Variants in FBXL2 observed in about 807,000 individuals in gnomAD.
FBXL2 encodes the protein F-box and leucine rich repeat protein 2.
FBXL2 carries 38 observed loss-of-function variants against 69.2 expected under a neutral mutation model. That is an observed-to-expected ratio of 0.55 (90% CI 0.42 to 0.72). FBXL2 has a LOEUF of 0.72. FBXL2 is among the 30% of genes least tolerant of loss of function. FBXL2 has a pLI of 0.00. For missense variants in FBXL2, 354 were observed against 520.3 expected, an observed-to-expected ratio of 0.68 and a Z score of 3.11; for synonymous variants, 192 against 201.3, an observed-to-expected ratio of 0.95 and a Z score of 0.39.
At chr3:33,381,932 C>G (rs1361238539) in intron 13 of FBXL2, among the ~76,000 whole-genome samples, 1 of 152,206 alleles carries the variant, frequency 6.6e-6, no homozygotes, top group Non-Finnish European at 1.5e-5. Context: ...ATCTTTAAAG[C>G]ATCAAGGTCC....
chr3:33,390,581 G>C (rs1021630982), downstream of FBXL2: 3 of 596,634 alleles, frequency 5.0e-6, no homozygotes, highest in Admixed American at 6.0e-5. Flanking sequence ...TGCGAAGCCT[G>C]GCCCACTATC....
At chr3:33,340,576 TAAAA>T (rs111348589) in intron 2 of FBXL2, among the ~76,000 whole-genome samples, 9 of 110,104 alleles carry the variant, frequency 8.2e-5, no homozygotes, top group Admixed American at 1.9e-4. Flanking sequence ...TTATTTTGAT[TAAAA>T]AAAAAAAAAA....
intron 12 of FBXL2, among the ~76,000 whole-genome samples, chr3:33,400,680 G>A (rs1559672257): frequency 6.6e-6 from 1 of 152,048 alleles, no homozygotes; most frequent in Non-Finnish European, 1.5e-5. Context: ...AATGGGTGAG[G>A]GATAAGAGAG....
chr3:33,319,354 T>TA (rs1300694477), intron 2 of FBXL2, among the ~76,000 whole-genome samples: 1 of 152,154 alleles, frequency 6.6e-6, no homozygotes. Flanking sequence ...TTAAATAAAT[T>TA]AAAAAATAAA....
intron 2 of FBXL2, among the ~76,000 whole-genome samples, chr3:33,301,778 T>C (rs1420036749): frequency 1.3e-5 from 2 of 152,226 alleles, no homozygotes; most frequent in Non-Finnish European, 2.9e-5. Flanking sequence ...GTGGAAGTAC[T>C]TAATTTGTTG....
chr3:33,418,406 C>T, the FBXL2 span, among the ~76,000 whole-genome samples: 4 of 152,144 alleles, frequency 2.6e-5, no homozygotes, highest in African/African-American at 9.6e-5. Flanking sequence ...AGGTGCCCGC[C>T]ACCACGCCCA....
At chr3:33,333,922 G>T (rs928658527) in intron 2 of FBXL2, among the ~76,000 whole-genome samples, 6 of 151,946 alleles carry the variant, frequency 3.9e-5, no homozygotes, top group Admixed American at 2.6e-4. Context: ...TTACTAACAA[G>T]ATTTTTTTTT....
chr3:33,285,580 G>A (rs983341710), intron 1 of FBXL2, among the ~76,000 whole-genome samples: 1 of 152,170 alleles, frequency 6.6e-6, no homozygotes. Flanking sequence ...GAATTTGAAT[G>A]TTGGCCTGCC....
At chr3:33,302,040 C>T (rs759237984) in intron 2 of FBXL2, among the ~76,000 whole-genome samples, 29 of 151,996 alleles carry the variant, frequency 1.9e-4, no homozygotes, top group Non-Finnish European at 3.8e-4. Flanking sequence ...AATAAATGTT[C>T]GCTCTTATTG....
At chr3:33,325,543 A>T (rs1243051330) in intron 2 of FBXL2, among the ~76,000 whole-genome samples, 1 of 152,120 alleles carries the variant, frequency 6.6e-6, no homozygotes, top group Admixed American at 6.6e-5. Context: ...GCATCTTTTG[A>T]GATAATCATG....
chr3:33,377,453 G>GTAGAACC, intron 11 of FBXL2, 120 bp downstream of exon 11: 1 of 932,596 alleles, frequency 1.1e-6, no homozygotes, highest in Admixed American at 1.9e-5. Context: ...ACAAAGTAGA[G>GTAGAACC]TAGAACCCTT....
Position 33,279,748 on chromosome 3 carries a change from C to T in FBXL2, c.3+2233C>T, listed in dbSNP as rs576556623. ...AATGACAACTAATATTTATTGTGTA[C>T]ATATGTACATAGTTATTACTATAGA... On this transcript the variant is annotated intron_variant, in intron 1 of 14. Coordinates refer to ENST00000484457, the MANE Select transcript of FBXL2 (RefSeq NM_012157.5). Among the ~76,000 whole-genome samples, 5 of 152,194 alleles carry T rather than the reference C, an allele frequency of 3.3e-5. No homozygotes were observed. In the South Asian group the frequency reaches 8.3e-4, roughly 25 times the overall value.
At chr3:33,372,803 C>A in intron 5 of FBXL2, 1 of 514,576 alleles carries the variant, frequency 1.9e-6, no homozygotes, top group East Asian at 3.4e-5. Context: ...ACTCACCAAG[C>A]TGTGGGTAAA....
At chr3:33,378,256 C>T in intron 12 of FBXL2, 109 bp downstream of exon 12, 1 of 1,143,446 alleles carries the variant, frequency 8.7e-7, no homozygotes, top group Non-Finnish European at 1.3e-6. Context: ...CCTCCTTGAT[C>T]AACCTCAGTG....
At chr3:33,417,946 A>G in the FBXL2 span, among the ~76,000 whole-genome samples, 2 of 152,328 alleles carry the variant, frequency 1.3e-5, no homozygotes, top group Admixed American at 6.5e-5. Flanking sequence ...CAGCATATAT[A>G]TAGTCTGTTA....
intron 2 of FBXL2, among the ~76,000 whole-genome samples, chr3:33,349,007 T>C (rs560487657): frequency 3.9e-5 from 6 of 152,312 alleles, no homozygotes; most frequent in African/African-American, 1.4e-4. Context: ...GTGCTAATCA[T>C]TTTTTGGTGG....
At chr3:33,338,254 A>G (rs1202851386) in intron 2 of FBXL2, among the ~76,000 whole-genome samples, 2 of 152,228 alleles carry the variant, frequency 1.3e-5, no homozygotes, top group East Asian at 3.9e-4. Flanking sequence ...TCTACTAAAA[A>G]TACAAAAATT....
intron 2 of FBXL2, among the ~76,000 whole-genome samples, chr3:33,334,713 T>C (rs1219232923): frequency 6.6e-6 from 1 of 151,972 alleles, no homozygotes; most frequent in Non-Finnish European, 1.5e-5. Flanking sequence ...ATGAAACACC[T>C]ATGCACACTA....
At chr3:33,374,732 A>G (rs1400784169) in intron 9 of FBXL2, among the ~76,000 whole-genome samples, 2 of 152,332 alleles carry the variant, frequency 1.3e-5, no homozygotes, top group South Asian at 2.1e-4. Context: ...GTTTAAGTGA[A>G]CATATTATTT....
Sources: allele counts gnomAD v4.1 joint callset (sites outside exome capture counted in the v4.1 genomes callset), GRCh38; gene constraint gnomAD v4.1.1; transcripts MANE v1.5; gene names NCBI Gene and HGNC (gene_info 2026-07-23, HGNC 2026-07-21).